Variants in LRP1B observed in about 807,000 individuals in gnomAD.
LRP1B encodes the protein low-density lipoprotein receptor-related protein 1B.
A neutral mutation model predicts 556.6 loss-of-function variants in LRP1B; 217 were observed. The observed-to-expected ratio is 0.39, with a 90% CI of 0.35 to 0.44. The LOEUF (loss-of-function observed/expected upper bound fraction) is 0.44, where lower values mean the gene tolerates loss of function less well. Among genes scored for constraint, LRP1B ranks in the 20% least tolerant of loss-of-function variants. The pLI, the probability that LRP1B is intolerant of heterozygous loss-of-function variation, is 1.00. For missense variants in LRP1B, 5,053 were observed against 5,620.8 expected (o/e 0.90, Z 3.23); for synonymous variants, 2,047 against 1,865.8 (o/e 1.10, Z -2.50).
intron 11 of LRP1B, among the ~76,000 whole-genome samples, chr2:141,040,937 C>T (rs1181151767): frequency 1.3e-5 from 2 of 152,088 alleles, no homozygotes; most frequent in East Asian, 3.9e-4. Context: ...TTCTTCCTGG[C>T]TATTCTTCTC....
intron 7 of LRP1B, among the ~76,000 whole-genome samples, chr2:141,173,414 C>T (rs1238533747): frequency 6.6e-6 from 1 of 152,048 alleles, no homozygotes; most frequent in Non-Finnish European, 1.5e-5. Context: ...TTTCCCTCCA[C>T]AACAAAAGCA....
intron 2 of LRP1B, among the ~76,000 whole-genome samples, chr2:141,481,594 G>A (rs535607146): frequency 1.3e-5 from 2 of 152,242 alleles, no homozygotes; most frequent in Non-Finnish European, 2.9e-5. Context: ...AGCCTACCTC[G>A]TAGGGTTGTT....
At chr2:141,185,679 C>CAAAAAAAAA (rs1681210373) in intron 7 of LRP1B, among the ~76,000 whole-genome samples, 1 of 77,398 alleles carries the variant, frequency 1.3e-5, no homozygotes, top group Non-Finnish European at 2.7e-5. Context: ...AACTGAAAAA[C>CAAAAAAAAA]AAACAAACAA....
At chr2:141,700,822 G>T (rs927143190) in intron 2 of LRP1B, among the ~76,000 whole-genome samples, 1 of 151,744 alleles carries the variant, frequency 6.6e-6, no homozygotes, top group South Asian at 2.1e-4. Context: ...GGATCAATGT[G>T]AGCTACCACA....
intron 32 of LRP1B, among the ~76,000 whole-genome samples, chr2:140,782,909 G>A (rs1488845679): frequency 6.6e-6 from 1 of 152,074 alleles, no homozygotes; most frequent in Non-Finnish European, 1.5e-5. Context: ...AAAGTGAAAG[G>A]TGGCCTTCCT....
At chr2:141,210,455 A>G (rs1405679267) in intron 6 of LRP1B, among the ~76,000 whole-genome samples, 1 of 152,158 alleles carries the variant, frequency 6.6e-6, no homozygotes, top group African/African-American at 2.4e-5. Flanking sequence ...TTTCTTCCAT[A>G]AAGACAAAAT....
intron 6 of LRP1B, among the ~76,000 whole-genome samples, chr2:141,192,993 A>G (rs1415263385): frequency 6.6e-6 from 1 of 152,008 alleles, no homozygotes; most frequent in African/African-American, 2.4e-5. Flanking sequence ...ATAAAATGAC[A>G]CATCAATTTT....
At chr2:140,302,990 A>C (rs1307750797) in intron 83 of LRP1B, among the ~76,000 whole-genome samples, 1 of 139,722 alleles carries the variant, frequency 7.2e-6, no homozygotes, top group Non-Finnish European at 1.5e-5. Flanking sequence ...CACATGTACC[A>C]ATTCCAATTA....
intron 1 of LRP1B, among the ~76,000 whole-genome samples, chr2:141,970,814 A>G (rs906728855): frequency 6.6e-6 from 1 of 151,520 alleles, no homozygotes. Context: ...GTGAAGTTAA[A>G]TCAGAGCTCT....
chr2:141,721,650 T>C (rs1353650233), intron 2 of LRP1B, among the ~76,000 whole-genome samples: 1 of 152,162 alleles, frequency 6.6e-6, no homozygotes, highest in Non-Finnish European at 1.5e-5. Context: ...TTTTCTAAGA[T>C]TAGAGAACTT....
intron 66 of LRP1B, among the ~76,000 whole-genome samples, chr2:140,426,712 G>C (rs898930232): frequency 1.3e-5 from 2 of 152,138 alleles, no homozygotes; most frequent in Non-Finnish European, 2.9e-5. Flanking sequence ...GACTCTTTTC[G>C]GACTCAGCCC....
Position 141,916,771 on chromosome 2 carries a change from G to A in LRP1B, c.83-106370C>T, listed in dbSNP as rs1160182520. On this transcript the variant is annotated intron_variant, in intron 1 of 90. Coordinates refer to ENST00000389484, the MANE Select transcript of LRP1B (RefSeq NM_018557.3). ...GATAGACACTGGGAACTACTAGAGTGGGAAGGGAGAGAGGACGGAAAGGGT... is the reference window on the plus strand; with the variant it reads ...GATAGACACTGGGAACTACTAGAGTAGGAAGGGAGAGAGGACGGAAAGGGT... Among the ~76,000 whole-genome samples the A allele has an allele frequency of 2.0e-5, 3 of 152,088 alleles. No homozygotes were observed. The East Asian group carries it at 5.8e-4, about 29-fold the overall frequency.
rs761422828 is a variant in LRP1B, at chr2:140,501,736, T to G, written c.8801A>C (p.Lys2934Thr). 1.3e-5 allele frequency: 21 copies of G among 1,612,666 alleles called. No homozygotes were observed. The highest frequency in any genetic ancestry group is 1.8e-5 in the Non-Finnish European group (21 of 1,179,138). Residue 2934 changes from lysine to threonine, a missense_variant, in exon 55 of 91, where the codon AAA (lysine) becomes ACA (threonine). Around this residue, in one of 5 missense-constraint regions of LRP1B, gnomAD observed 3,619 missense variants for 3,931.9 expected, o/e 0.92. Transcript: ENST00000389484. ...NCHINECLSK[K>T]VSGCSQDCQD... ...ACAGTCTTGAGAACATCCACTGACT[T>G]TCTTACTCAAACATTCATTTATATG... is the stretch of plus-strand genomic sequence containing the variant.
At chr2:140,263,181 A>G (rs895215689) in intron 86 of LRP1B, among the ~76,000 whole-genome samples, 1 of 152,178 alleles carries the variant, frequency 6.6e-6, no homozygotes, top group African/African-American at 2.4e-5. Flanking sequence ...GGTATCCCAA[A>G]GTGCTGGGGT....
At position 140,510,998 on chromosome 2, in the gene LRP1B, CT is replaced by C. The variant is rs1318070703; in HGVS notation, c.8270-943del. Among the ~76,000 whole-genome samples, 190 of 147,602 alleles carry C rather than the reference CT, an allele frequency of 1.3e-3. 1 individual carries two copies. Among genetic ancestry groups the C allele is most frequent in the African/African-American group, 4.0e-3 (162 of 40,442 alleles). On this transcript the variant is annotated intron_variant, in intron 51 of 90. Transcript: ENST00000389484. ...GAATCAGTAACATGACCCTAAATCT[CT>C]TTTTTTTTTTAAATTTTACTTTCTT...
intron 2 of LRP1B, among the ~76,000 whole-genome samples, chr2:141,519,360 GATATATATATATATATATAT>G (rs60473210): frequency 2.2e-4 from 15 of 68,302 alleles, no homozygotes; most frequent in Admixed American, 1.5e-3. Context: ...TTAAGTCAAT[GATATATATATATATATATAT>G]ATATATATAT....
intron 1 of LRP1B, among the ~76,000 whole-genome samples, chr2:141,942,645 T>C (rs1212753718): frequency 6.6e-6 from 1 of 152,232 alleles, no homozygotes; most frequent in Non-Finnish European, 1.5e-5. Context: ...TGTCAATAAA[T>C]TTCCTGAACA....
chr2:140,619,592 C>T (rs998889872), intron 41 of LRP1B, among the ~76,000 whole-genome samples: 1 of 152,084 alleles, frequency 6.6e-6, no homozygotes, highest in Non-Finnish European at 1.5e-5. Context: ...CCCCGTATAA[C>T]CTTGTTTCTC....
intron 2 of LRP1B, among the ~76,000 whole-genome samples, chr2:141,749,095 T>C (rs1227095674): frequency 6.6e-6 from 1 of 152,158 alleles, no homozygotes; most frequent in East Asian, 1.9e-4. Flanking sequence ...TTATTTTACA[T>C]GAAACAAAAT....
Sources: allele counts gnomAD v4.1 joint callset (sites outside exome capture counted in the v4.1 genomes callset), GRCh38; gene constraint gnomAD v4.1.1; regional missense constraint gnomAD v4.1.1; transcripts MANE v1.5; gene names NCBI Gene and HGNC (gene_info 2026-07-23, HGNC 2026-07-21).